MIGA2: variants seen among roughly 807,000 people sequenced by gnomAD.
MIGA2 encodes the protein family with sequence similarity 73, member B.
Under a neutral mutation model 69.9 loss-of-function variants are expected in MIGA2, and 36 were observed. The ratio of observed to expected loss-of-function variants is 0.52; its 90% CI spans 0.39 to 0.68. The LOEUF is 0.68. Ranked by LOEUF, MIGA2 falls within the 30% of genes least tolerant of loss-of-function variation. The pLI is 0.00. For synonymous variants in MIGA2, 333 were observed against 349.2 expected, an observed-to-expected ratio of 0.95 and a Z score of 0.52; for missense variants, 660 against 787.7, an observed-to-expected ratio of 0.84 and a Z score of 1.94.
At chr9:129,042,270 A>G in intron 2 of MIGA2, 34 bp from the exon 3 acceptor site, 4 of 1,605,488 alleles carry the variant, frequency 2.5e-6, no homozygotes, top group South Asian at 1.1e-5. Context: ...TTCCCCAGGG[A>G]GGTGTAACCG....
At chr9:129,038,909 C>T (rs1162315200) in intron 1 of MIGA2, among the ~76,000 whole-genome samples, 4 of 150,230 alleles carry the variant, frequency 2.7e-5, no homozygotes, top group African/African-American at 7.4e-5. Context: ...GATTCTCCTG[C>T]CTCAGCCTCC....
Position 129,060,657 on chromosome 9 carries a change from C to T in MIGA2, c.894+7C>T, listed in dbSNP as rs1436112195. 9 of 1,574,184 alleles carry T rather than the reference C, an allele frequency of 5.7e-6. No individual in the cohort carries two copies. The Admixed American group carries it at 7.3e-5, about 13-fold the overall frequency. ...CTTCTTCTCCGCCACCGAGGTGACTCGGGGTGGGGACCAAGCCTGGGGTGG... is the reference window on the plus strand; with the variant it reads ...CTTCTTCTCCGCCACCGAGGTGACTTGGGGTGGGGACCAAGCCTGGGGTGG... On this transcript the variant is annotated splice_region_variant and intron_variant, in intron 8 of 15. Transcript: ENST00000684074. The surrounding 1 kb of genome is among the most constrained non-coding windows in gnomAD (Gnocchi z 4.8).
intron 2 of MIGA2, 101 bp from the exon 3 acceptor site, chr9:129,042,203 G>C: frequency 1.7e-6 from 2 of 1,165,632 alleles, no homozygotes; most frequent in Non-Finnish European, 2.5e-6. Flanking sequence ...ATGTGCCGGA[G>C]AGCCGGTGTG....
At chr9:129,063,656 C>CCCCA in intron 11 of MIGA2, 25 bp downstream of exon 11, 2 of 1,597,288 alleles carry the variant, frequency 1.3e-6, no homozygotes, top group Non-Finnish European at 1.7e-6. Flanking sequence ...GGTGGGGGGG[C>CCCCA]AAATTATAAA....
Position 129,040,618 on chromosome 9 carries a change from C to T in MIGA2, c.24C>T (p.Gly8=), listed in dbSNP as rs752654829. 1.2e-6 allele frequency: 2 copies of T among 1,613,412 alleles called. No homozygotes were observed. MAFRRAE[G]TSMIQALAMT... The stretch of plus-strand genomic sequence containing the variant: ...CCATGGCGTTCCGGAGGGCCGAGGG[C>T]ACGTCTATGATCCAGGCCCTGGCCA... Residue 8 remains glycine, a synonymous_variant, in exon 2 of 16, where the codon GGC becomes GGT. Transcript: ENST00000684074.
chr9:129,039,178 TG>T (rs869145575), intron 1 of MIGA2, among the ~76,000 whole-genome samples: 23 of 70,000 alleles, frequency 3.3e-4, no homozygotes, highest in African/African-American at 2.4e-3. Flanking sequence ...TCTTTGTTTG[TG>T]TGTGTGTGTG....
intron 3 of MIGA2, among the ~76,000 whole-genome samples, chr9:129,045,511 C>A (rs1845173033): frequency 1.3e-5 from 2 of 149,260 alleles, no homozygotes; most frequent in African/African-American, 4.9e-5. Flanking sequence ...GTAATCCCAG[C>A]ACTTTGGGAA....
chr9:129,049,244 T>C (rs780151954), intron 4 of MIGA2, 137 bp from the exon 5 acceptor site: 46 of 771,806 alleles, frequency 6.0e-5, no homozygotes, highest in Non-Finnish European at 9.8e-5. Flanking sequence ...GTGGACGCTG[T>C]GGCTAGGAAC....
chr9:129,048,291 C>T, intron 3 of MIGA2, 136 bp from the exon 4 acceptor site: 1 of 758,854 alleles, frequency 1.3e-6, no homozygotes, highest in Non-Finnish European at 2.3e-6. Flanking sequence ...CCTTGGGGCC[C>T]CTCTGTTCCC....
chr9:129,049,892 GA>G lies in MIGA2; in HGVS notation c.605del (p.Asp202AlafsTer61). ...GGCACTAAGCGTGGGCCAGCGGGGG[GA>G]CAGCGGCAGCACCCCCATGCCCAGG... ...EQALSVGQRG[D>X]SGSTPMPRDG... On this transcript the variant is annotated frameshift_variant, in exon 6 of 16. Coordinates refer to ENST00000684074, the MANE Select transcript of MIGA2 (RefSeq NM_001329990.2). LOFTEE classifies it high-confidence loss of function. The G allele has an allele frequency of 6.2e-7, 1 of 1,613,920 alleles. No individual in the cohort carries two copies. Among genetic ancestry groups the G allele is most frequent in the Non-Finnish European group, 8.5e-7 (1 of 1,180,032 alleles).
chr9:129,055,104 G>GT (rs1329141151), intron 6 of MIGA2, among the ~76,000 whole-genome samples: 4 of 147,358 alleles, frequency 2.7e-5, no homozygotes, highest in Admixed American at 2.0e-4. Context: ...TTGAGATGGA[G>GT]TCTCGCTCTG....
intron 6 of MIGA2, among the ~76,000 whole-genome samples, chr9:129,057,899 C>T (rs548306953): frequency 6.6e-6 from 1 of 152,190 alleles, no homozygotes; most frequent in South Asian, 2.1e-4. Flanking sequence ...AGCCACCTCA[C>T]CCGGTCCATT....
At chr9:129,058,720 G>A (rs1845917636) in intron 6 of MIGA2, among the ~76,000 whole-genome samples, 1 of 151,908 alleles carries the variant, frequency 6.6e-6, no homozygotes, top group African/African-American at 2.4e-5. Flanking sequence ...GGCTGGTCTC[G>A]AACTCCTGAC....
chr9:129,053,833 A>T (rs1392022197), intron 6 of MIGA2, among the ~76,000 whole-genome samples: 4 of 149,288 alleles, frequency 2.7e-5, no homozygotes, highest in Non-Finnish European at 4.5e-5. Flanking sequence ...TCTCAAAAAA[A>T]TTTTTTCTTG....
rs112163452 is a variant in MIGA2 at position 129,068,509 on chromosome 9, G to A, written c.1404+177G>A. 4.0e-5 allele frequency: 30 copies of A among 753,288 alleles called. No individual in the cohort carries two copies. The highest frequency in any genetic ancestry group is 5.3e-5 in the African/African-American group (3 of 56,964). The allele number at this position is 753,288 out of a possible 1,614,324, so 46.7% of individuals were successfully genotyped here. On this transcript the variant is annotated intron_variant, in intron 13 of 15. Transcript: ENST00000684074. The surrounding 1 kb of genome is among the most constrained non-coding windows in gnomAD (Gnocchi z 4.1). ...CCTGGAGAAGCCTCCAGGGTGCCCC[G>A]TTGCTGCCTGGTGCCCCAGTTTAGA...
chr9:129,048,573 G>A, intron 4 of MIGA2, 34 bp downstream of exon 4: 7 of 1,570,486 alleles, frequency 4.5e-6, no homozygotes, highest in Non-Finnish European at 6.1e-6. Flanking sequence ...CAGGGCTCCA[G>A]GTCCGGGCTT....
At position 129,061,386 on chromosome 9, in the gene MIGA2, C is replaced by T. The variant is rs1564615956; in HGVS notation, c.1010+40C>T. 4 of 1,528,460 alleles carry T rather than the reference C, an allele frequency of 2.6e-6. No homozygotes were observed. Among genetic ancestry groups the T allele is most frequent in the Non-Finnish European group, 3.6e-6 (4 of 1,117,886 alleles). The allele number at this position is 1,528,460 out of a possible 1,614,324, so 94.7% of individuals were successfully genotyped here. ...AGGGAGGGAGGGAGGGAGCAGGAGGCGATGGGTGATTCTGGCCCTTGCGGG... is the reference window on the plus strand; with the variant it reads ...AGGGAGGGAGGGAGGGAGCAGGAGGTGATGGGTGATTCTGGCCCTTGCGGG... On this transcript the variant is annotated intron_variant, in intron 9 of 15. Coordinates refer to ENST00000684074, the MANE Select transcript of MIGA2 (RefSeq NM_001329990.2). The surrounding 1 kb of genome is among the most constrained non-coding windows in gnomAD (Gnocchi z 5.0).
At chr9:129,049,986 CT>C (rs1039249690) in intron 6 of MIGA2, 23 bp downstream of exon 6, 15 of 1,596,714 alleles carry the variant, frequency 9.4e-6, no homozygotes, top group Non-Finnish European at 1.3e-5. Flanking sequence ...CTGCATCCCC[CT>C]ACGCCCATGG....
At chr9:129,052,944 C>G (rs1353284069) in intron 6 of MIGA2, among the ~76,000 whole-genome samples, 2 of 152,102 alleles carry the variant, frequency 1.3e-5, no homozygotes, top group East Asian at 3.9e-4. Context: ...GTGAGGGGGA[C>G]TCAAGGGAGG....
Sources: gnomAD v4.1 joint callset for allele counts (sites outside exome capture counted in the v4.1 genomes callset) on GRCh38, gnomAD v4.1.1 for gene constraint, Gnocchi (gnomAD v3.1) non-coding constraint, MANE v1.5 for transcripts, NCBI Gene and HGNC (gene_info 2026-07-23, HGNC 2026-07-21) for gene names.